The following BRD4 variants were observed in gnomAD, a reference collection of about 807,000 sequenced individuals.
BRD4 encodes bromodomain-containing protein 4.
In BRD4, 16 loss-of-function variants were observed where a neutral mutation model predicts 142.1. The observed-to-expected ratio is 0.11, with a 90% confidence interval of 0.08 to 0.17. The LOEUF (loss-of-function observed/expected upper bound fraction) is 0.17. BRD4 is among the 10% of genes least tolerant of loss of function. The pLI is 1.00. For missense variants in BRD4, 1,424 were observed against 1,810.9 expected, an observed-to-expected ratio of 0.79 and a Z score of 3.88; for synonymous variants, 833 against 707.5, an observed-to-expected ratio of 1.18 and a Z score of -2.82.
chr19:15,295,790 G>C (rs1004482066), intron 1 of BRD4, among the ~76,000 whole-genome samples: 3 of 152,154 alleles, frequency 2.0e-5, no homozygotes, highest in African/African-American at 7.2e-5. Flanking sequence ...GGCCAACATA[G>C]TGAAACTCTG....
Position 15,257,060 on chromosome 19 carries a change from G to A in BRD4, c.1455C>T (p.Ser485=), listed in dbSNP as rs2145575994. Residue 485 remains serine (S), a synonymous_variant, in exon 8 of 20, where the codon TCC becomes TCT. Coordinates refer to ENST00000679869, the MANE Select transcript of BRD4 (RefSeq NM_001379291.1). The stretch of plus-strand genomic sequence containing the variant: ...AGGAGCTATCGCTGCTGCTGTCGCT[G>A]GATGAGGGCGGGGCCACAACCTTGG... ...PPTKVVAPPS[S]SDSSSDSSSD... The A allele has an allele frequency of 6.2e-7, 1 of 1,603,390 alleles. No homozygotes were observed.
chr19:15,243,160 AGCT>A lies in BRD4; in HGVS notation c.2906_2908del (p.Gln969del). 2.3e-6 allele frequency: 1 copy of A among 426,346 alleles called. No individual in the cohort carries two copies. The highest frequency in any genetic ancestry group is 3.5e-6 in the Non-Finnish European group (1 of 285,786). The allele number at this position is 426,346 out of a possible 1,614,324, so 26.4% of individuals were successfully genotyped here. Reference sequence around the variant, plus strand: ...TGGGGGTGGTGGCGGCTGCTGCTGCAGCTGCTGCTGCACAGAGGGGTGGGGTGG... The same window carrying A: ...TGGGGGTGGTGGCGGCTGCTGCTGCAGCTGCTGCACAGAGGGGTGGGGTGG... On this transcript the variant is annotated inframe_deletion, in exon 14 of 20. Coordinates refer to ENST00000679869, the MANE Select transcript of BRD4 (RefSeq NM_001379291.1).
At chr19:15,262,568 G>T (rs1455442637) in intron 7 of BRD4, among the ~76,000 whole-genome samples, 2 of 149,856 alleles carry the variant, frequency 1.3e-5, no homozygotes, top group East Asian at 1.9e-4. Context: ...AATAAACGAG[G>T]CAAAATTAGC....
At chr19:15,309,320 A>G (rs1470079739) in intron 1 of BRD4, among the ~76,000 whole-genome samples, 5 of 146,644 alleles carry the variant, frequency 3.4e-5, no homozygotes, top group Non-Finnish European at 7.5e-5. Context: ...CCTGGGCGAC[A>G]GAGCAAGACT....
At chr19:15,291,807 C>G (rs1045879156) in intron 1 of BRD4, among the ~76,000 whole-genome samples, 19 of 152,128 alleles carry the variant, frequency 1.2e-4, no homozygotes, top group African/African-American at 4.6e-4. Flanking sequence ...AAAAGAGCAG[C>G]TCATTAAGCA....
intron 1 of BRD4, among the ~76,000 whole-genome samples, chr19:15,307,969 C>T (rs2047928855): frequency 6.6e-6 from 1 of 151,464 alleles, no homozygotes; most frequent in South Asian, 2.1e-4. Flanking sequence ...CAAACATTAA[C>T]TGGGCATGGT....
chr19:15,244,437 GC>G lies in BRD4; in HGVS notation c.2374del (p.Ala792ArgfsTer2). The G allele has an allele frequency of 6.4e-7, 1 of 1,570,462 alleles. No individual in the cohort carries two copies. ...PPSMPQQAAP[A>X]MKSSPPPFIA... is the part of the protein sequence containing the mutation. ...GAAGGGTGGGGGCGAGGACTTCATC[GC>G]CGGGGCTGCCTGCTGCGGCATGGAG... On this transcript the variant is annotated frameshift_variant, in exon 13 of 20. Coordinates refer to ENST00000679869, the MANE Select transcript of BRD4 (RefSeq NM_001379291.1). LOFTEE classifies it high-confidence loss of function.
chr19:15,267,646 A>C, intron 3 of BRD4, 95 bp from the exon 4 acceptor site: 7 of 1,416,324 alleles, frequency 4.9e-6, no homozygotes, highest in Non-Finnish European at 4.8e-6. Flanking sequence ...TGCCCCCAAA[A>C]CATGAAGCGT....
intron 1 of BRD4, among the ~76,000 whole-genome samples, chr19:15,313,790 G>C (rs2047994304): frequency 1.3e-5 from 2 of 152,192 alleles, no homozygotes; most frequent in Non-Finnish European, 2.9e-5. Context: ...TTGCCCTGCA[G>C]TCTCCTAGCA....
At chr19:15,288,723 T>C (rs1219241092) in intron 1 of BRD4, among the ~76,000 whole-genome samples, 1 of 152,164 alleles carries the variant, frequency 6.6e-6, no homozygotes, top group Non-Finnish European at 1.5e-5. Flanking sequence ...CGCCCGAGGG[T>C]GGCCACTAAG....
chr19:15,325,294 T>C (rs540405228), intron 1 of BRD4, among the ~76,000 whole-genome samples: 2 of 152,252 alleles, frequency 1.3e-5, no homozygotes, highest in South Asian at 4.1e-4. Context: ...GCCGTACTGG[T>C]GTTATCAGTC....
intron 4 of BRD4, 124 bp from the exon 5 acceptor site, chr19:15,265,767 G>A (rs531594557): frequency 2.0e-5 from 21 of 1,038,284 alleles, no homozygotes; most frequent in Non-Finnish European, 2.8e-5. Context: ...CCTGAGAGAC[G>A]AACATCCCAG....
intron 3 of BRD4, among the ~76,000 whole-genome samples, chr19:15,267,909 G>T (rs1599468429): frequency 6.6e-6 from 1 of 152,206 alleles, no homozygotes; most frequent in East Asian, 1.9e-4. Context: ...GAATGACACA[G>T]GATTTCTTGC....
chr19:15,254,972 C>T (rs544613968), intron 10 of BRD4, among the ~76,000 whole-genome samples: 1 of 152,314 alleles, frequency 6.6e-6, no homozygotes, highest in South Asian at 2.1e-4. Context: ...GCAGACCCGC[C>T]TTTCCTCCTT....
intron 1 of BRD4, among the ~76,000 whole-genome samples, chr19:15,308,277 T>TTTTA (rs2047934848): frequency 7.1e-6 from 1 of 140,874 alleles, no homozygotes; most frequent in African/African-American, 2.7e-5. Context: ...GGCAACACAG[T>TTTTA]GGAGACCTCG....
Position 15,265,594 on chromosome 19 carries a change from C to T in BRD4, c.609G>A (p.Ser203=), listed in dbSNP as rs1326449194. ...VSTVPNTTQA[S]TPPQTQTPQP... ...GAGGGGTCTGGGTCTGCGGAGGAGT[C>T]GATGCTTGAGTTGTGTTTGGTACCG... The change falls in exon 5 of 20, where the codon TCG becomes TCA. Residue 203 remains serine (S), a synonymous_variant. Transcript: ENST00000679869. 1 of 1,613,994 alleles carries T rather than the reference C, an allele frequency of 6.2e-7. No homozygotes were observed. Among genetic ancestry groups the T allele is most frequent in the Non-Finnish European group, 8.5e-7 (1 of 1,180,014 alleles).
At chr19:15,240,347 G>A (rs959519249) in intron 14 of BRD4, among the ~76,000 whole-genome samples, 20 of 152,314 alleles carry the variant, frequency 1.3e-4, no homozygotes, top group African/African-American at 4.8e-4. Context: ...AGAATCATCT[G>A]GGATACTGTG....
chr19:15,284,648 G>A (rs1344423486), intron 1 of BRD4, among the ~76,000 whole-genome samples: 3 of 152,152 alleles, frequency 2.0e-5, no homozygotes, highest in African/African-American at 7.2e-5. Context: ...ATGCACTGCT[G>A]GGAGGCCCTC....
chr19:15,312,270 G>A (rs2047977996), intron 1 of BRD4, among the ~76,000 whole-genome samples: 1 of 152,100 alleles, frequency 6.6e-6, no homozygotes, highest in Non-Finnish European at 1.5e-5. Context: ...GGCCAAGACA[G>A]GCACATTGCT....
Sources: gnomAD v4.1 joint callset for allele counts (sites outside exome capture counted in the v4.1 genomes callset) on GRCh38, gnomAD v4.1.1 for gene constraint, MANE v1.5 for transcripts, NCBI Gene and HGNC (gene_info 2026-07-23, HGNC 2026-07-21) for gene names.